RPTOR: variants seen among roughly 807,000 people sequenced by gnomAD.
RPTOR encodes regulatory-associated protein of mTOR.
In RPTOR, 21 loss-of-function variants were observed where a neutral mutation model predicts 169.9. That is an observed-to-expected ratio of 0.12 (90% CI 0.09 to 0.18). The LOEUF is 0.18. RPTOR is among the 10% of genes least tolerant of loss of function. The pLI is 1.00. For synonymous variants in RPTOR, 732 were observed against 753.2 expected (o/e 0.97, Z 0.46); for missense variants, 1,133 against 1,855.9 (o/e 0.61, Z 7.16).
At chr17:80,641,320 TCCATTGAATTAGAA>T (rs1470302162) in intron 2 of RPTOR, among the ~76,000 whole-genome samples, 3 of 152,234 alleles carry the variant, frequency 2.0e-5, no homozygotes, top group African/African-American at 4.8e-5. Context: ...GCCAGAGGTG[TCCATTGAATTAGAA>T]CCATTGAATT....
chr17:80,694,018 A>C (rs1325792117), intron 3 of RPTOR, among the ~76,000 whole-genome samples: 1 of 152,266 alleles, frequency 6.6e-6, no homozygotes, highest in Non-Finnish European at 1.5e-5. Flanking sequence ...ACTTGAAATG[A>C]AATCTGACAA....
At chr17:80,681,116 G>C (rs1265095861) in intron 3 of RPTOR, among the ~76,000 whole-genome samples, 1 of 152,142 alleles carries the variant, frequency 6.6e-6, no homozygotes, top group Non-Finnish European at 1.5e-5. Context: ...TGGAGGGAGG[G>C]GTTGGTTTGG....
chr17:80,923,198 A>G (rs1162722220), intron 22 of RPTOR, among the ~76,000 whole-genome samples: 2 of 152,150 alleles, frequency 1.3e-5, no homozygotes, highest in African/African-American at 2.4e-5. Flanking sequence ...GAGCTCGCAC[A>G]TCCCGGCCCA....
chr17:80,822,969 A>G, intron 8 of RPTOR, 110 bp from the exon 9 acceptor site: 1 of 1,198,436 alleles, frequency 8.3e-7, no homozygotes, highest in Non-Finnish European at 1.2e-6. Flanking sequence ...GGAGATATGC[A>G]TATTAGTCCC....
At chr17:80,850,437 A>G (rs557387768) in intron 11 of RPTOR, among the ~76,000 whole-genome samples, 1 of 152,340 alleles carries the variant, frequency 6.6e-6, no homozygotes, top group Non-Finnish European at 1.5e-5. Context: ...CAGACGCTGC[A>G]GTTTCCTCAT....
chr17:80,565,615 G>A (rs1242722479), intron 1 of RPTOR, among the ~76,000 whole-genome samples: 1 of 152,030 alleles, frequency 6.6e-6, no homozygotes, highest in Non-Finnish European at 1.5e-5. Context: ...AGAGCCCCAG[G>A]GCTGGGAGGC....
intron 4 of RPTOR, among the ~76,000 whole-genome samples, chr17:80,722,757 C>T (rs1479885064): frequency 2.0e-5 from 3 of 151,396 alleles, no homozygotes; most frequent in Admixed American, 2.0e-4. Flanking sequence ...GTGTCAACCT[C>T]TTACATGACC....
rs2065708063 is a variant in RPTOR, at chr17:80,659,849, T to C, written c.348+16039T>C. Among the ~76,000 whole-genome samples, 3 of 152,218 alleles carry C rather than the reference T, an allele frequency of 2.0e-5. No homozygotes were observed. In the South Asian group the frequency reaches 6.2e-4, roughly 32 times the overall value. ...TTTTTGTAGAGATAAGGTCTTGCTC[T>C]GTTGCTCAGGCTGGTCTCAAACTCC... On this transcript the variant is annotated intron_variant, in intron 3 of 33. Transcript: ENST00000306801. This position sits in a 1 kb window ranked among gnomAD's most constrained non-coding sequence, Gnocchi z 4.3.
intron 3 of RPTOR, among the ~76,000 whole-genome samples, chr17:80,689,456 G>A (rs972911390): frequency 7.2e-5 from 11 of 152,234 alleles, no homozygotes; most frequent in Non-Finnish European, 1.5e-4. Context: ...CTCGTCTTAC[G>A]CATGTGGTCA....
At chr17:80,724,069 G>C (rs1360300589) in intron 4 of RPTOR, among the ~76,000 whole-genome samples, 4 of 151,356 alleles carry the variant, frequency 2.6e-5, no homozygotes, top group African/African-American at 7.4e-5. Context: ...TAAATCAGTG[G>C]AGTAAAGGAT....
intron 3 of RPTOR, among the ~76,000 whole-genome samples, chr17:80,648,903 A>G (rs1300545024): frequency 1.3e-5 from 2 of 152,102 alleles, no homozygotes; most frequent in African/African-American, 4.8e-5. Flanking sequence ...TCCCTGCACG[A>G]GCTCTCTCTT....
intron 3 of RPTOR, among the ~76,000 whole-genome samples, chr17:80,650,373 T>G (rs1428524537): frequency 6.6e-6 from 1 of 152,202 alleles, no homozygotes; most frequent in Non-Finnish European, 1.5e-5. Context: ...GGAGTCCGCC[T>G]CCTCCCTTCT....
intron 21 of RPTOR, among the ~76,000 whole-genome samples, chr17:80,918,605 G>T (rs1376204169): frequency 6.6e-6 from 1 of 152,170 alleles, no homozygotes; most frequent in Non-Finnish European, 1.5e-5. Context: ...GCTCCTTCAG[G>T]CAAGGACAAG....
At chr17:80,804,209 C>CT in intron 7 of RPTOR, 1 of 152,508 alleles carries the variant, frequency 6.6e-6, no homozygotes. Flanking sequence ...TGGCACAAGC[C>CT]TGACTAGTGG....
At chr17:80,735,275 TC>T (rs1458700447) in intron 5 of RPTOR, among the ~76,000 whole-genome samples, 3 of 151,922 alleles carry the variant, frequency 2.0e-5, no homozygotes, top group East Asian at 1.9e-4. Context: ...TTTTCACTCT[TC>T]CAGTGGTAGC....
At chr17:80,930,442 T>C (rs1598408146) in intron 24 of RPTOR, among the ~76,000 whole-genome samples, 1 of 128,762 alleles carries the variant, frequency 7.8e-6, no homozygotes, top group Non-Finnish European at 1.6e-5. Context: ...CATCCCCAGC[T>C]CATCCTCAGC....
chr17:80,876,194 C>T (rs1159742695), intron 13 of RPTOR, among the ~76,000 whole-genome samples: 3 of 113,632 alleles, frequency 2.6e-5, no homozygotes, highest in East Asian at 2.9e-4. Context: ...TGTCGCCTGC[C>T]GTGTCTTCCC....
chr17:80,693,645 G>A (rs144257513), intron 3 of RPTOR, among the ~76,000 whole-genome samples: 23 of 152,334 alleles, frequency 1.5e-4, no homozygotes, highest in African/African-American at 5.5e-4. Flanking sequence ...TTCGGTGTAC[G>A]CAATTTCCTA....
At chr17:80,703,411 GGACCCTA>G (rs1245278060) in intron 3 of RPTOR, among the ~76,000 whole-genome samples, 3 of 152,104 alleles carry the variant, frequency 2.0e-5, no homozygotes, top group Non-Finnish European at 2.9e-5. Context: ...CACCCCACCT[GGACCCTA>G]GACCCTGGAG....
Sources: allele counts gnomAD v4.1 joint callset (sites outside exome capture counted in the v4.1 genomes callset), GRCh38; gene constraint gnomAD v4.1.1; non-coding constraint Gnocchi (gnomAD v3.1); transcripts MANE v1.5; gene names NCBI Gene and HGNC (gene_info 2026-07-23, HGNC 2026-07-21).